The following TTLL11 variants were observed in gnomAD, a reference collection of about 807,000 sequenced individuals.
TTLL11 encodes tubulin tyrosine ligase like 11.
Under a neutral mutation model 51.7 loss-of-function variants are expected in TTLL11, and 42 were observed. The ratio of observed to expected loss-of-function variants is 0.81; its 90% CI spans 0.64 to 1.05. The LOEUF (loss-of-function observed/expected upper bound fraction) is 1.05. Ranked by LOEUF, TTLL11 falls within the 50% of genes least tolerant of loss-of-function variation. The pLI is 0.00. For synonymous variants in TTLL11, 381 were observed against 383.5 expected (o/e 0.99, Z 0.08); for missense variants, 799 against 940.4 (o/e 0.85, Z 1.97).
At chr9:121,872,963 G>A (rs1838410582) in intron 6 of TTLL11, among the ~76,000 whole-genome samples, 1 of 152,120 alleles carries the variant, frequency 6.6e-6, no homozygotes, top group Admixed American at 6.5e-5. Context: ...CTTTTCAGTT[G>A]AAATGAAATG....
intron 6 of TTLL11, among the ~76,000 whole-genome samples, chr9:121,883,425 A>G (rs1454071925): frequency 1.3e-5 from 2 of 152,206 alleles, no homozygotes; most frequent in Admixed American, 6.5e-5. Flanking sequence ...CTAACTCTGC[A>G]GCTAGGGATG....
At chr9:121,950,912 A>G (rs1211853561) in intron 6 of TTLL11, among the ~76,000 whole-genome samples, 1 of 152,134 alleles carries the variant, frequency 6.6e-6, no homozygotes, top group African/African-American at 2.4e-5. Context: ...TTAAACCCGA[A>G]AGCGCTTGGC....
At position 121,863,131 on chromosome 9, in the gene TTLL11, C is replaced by T. The variant is rs150481455; in HGVS notation, c.1734-2688G>A. ...GGGCTCCTGCTCCGTATTTCAATCA[C>T]GAGTCGCGGTGGCAGACTTCAAAGC... On this transcript the variant is annotated intron_variant, in intron 7 of 8. Coordinates refer to ENST00000321582, the MANE Select transcript of TTLL11 (RefSeq NM_001139442.2). Among the ~76,000 whole-genome samples the T allele has an allele frequency of 3.2e-4, 49 of 152,266 alleles. No homozygotes were observed. In the East Asian group the frequency reaches 7.9e-3, roughly 25 times the overall value.
At chr9:122,061,707 G>T (rs535859757) in intron 1 of TTLL11, among the ~76,000 whole-genome samples, 3 of 151,748 alleles carry the variant, frequency 2.0e-5, no homozygotes, top group Non-Finnish European at 4.4e-5. Context: ...GTGCAATCTT[G>T]GCTCACTGCA....
At chr9:122,079,664 G>A (rs890969178) in intron 1 of TTLL11, among the ~76,000 whole-genome samples, 3 of 151,036 alleles carry the variant, frequency 2.0e-5, no homozygotes, top group East Asian at 2.0e-4. Flanking sequence ...AGCTGAGATC[G>A]CACCACTGCA....
intron 6 of TTLL11, among the ~76,000 whole-genome samples, chr9:121,906,233 T>A (rs1839941057): frequency 6.6e-6 from 1 of 152,140 alleles, no homozygotes; most frequent in South Asian, 2.1e-4. Context: ...TGAATCTGAG[T>A]CAGCAGCCTA....
intron 8 of TTLL11, among the ~76,000 whole-genome samples, chr9:121,829,302 C>A (rs906677870): frequency 2.6e-5 from 4 of 151,664 alleles, no homozygotes; most frequent in African/African-American, 9.7e-5. Flanking sequence ...TCATAGAGTA[C>A]CCAAATGGAC....
chr9:122,003,106 A>T (rs1391805090), intron 3 of TTLL11, among the ~76,000 whole-genome samples: 1 of 152,186 alleles, frequency 6.6e-6, no homozygotes, highest in Admixed American at 6.5e-5. Context: ...CAGGATGTCA[A>T]GATAGAATAC....
At chr9:122,007,923 G>A (rs551224362) in intron 3 of TTLL11, among the ~76,000 whole-genome samples, 1 of 152,162 alleles carries the variant, frequency 6.6e-6, no homozygotes, top group Non-Finnish European at 1.5e-5. Flanking sequence ...CACCACCTTA[G>A]CCAAATGATT....
At chr9:121,850,402 C>G (rs1463297713) in intron 8 of TTLL11, among the ~76,000 whole-genome samples, 1 of 152,026 alleles carries the variant, frequency 6.6e-6, no homozygotes, top group African/African-American at 2.4e-5. Context: ...AGGCCTAAGG[C>G]CTAAGTAGTT....
intron 3 of TTLL11, among the ~76,000 whole-genome samples, chr9:122,019,585 G>C (rs925262018): frequency 3.6e-4 from 55 of 152,260 alleles, no homozygotes; most frequent in African/African-American, 1.3e-3. Flanking sequence ...GAGTAGGTGG[G>C]ACTACAGACA....
intron 6 of TTLL11, among the ~76,000 whole-genome samples, chr9:121,922,281 T>C (rs762473669): frequency 2.0e-5 from 3 of 152,236 alleles, no homozygotes; most frequent in Non-Finnish European, 2.9e-5. Context: ...TATAAGTATG[T>C]TGTTGTCCCA....
chr9:121,863,654 C>T (rs1289308586), intron 7 of TTLL11, among the ~76,000 whole-genome samples: 1 of 152,208 alleles, frequency 6.6e-6, no homozygotes. Flanking sequence ...CTGCGGTAGG[C>T]AGGAAATGCA....
intron 1 of TTLL11, among the ~76,000 whole-genome samples, chr9:122,065,333 G>T (rs1845552615): frequency 6.6e-6 from 1 of 152,188 alleles, no homozygotes; most frequent in Non-Finnish European, 1.5e-5. Context: ...AAAAACCTCT[G>T]GAGGTCAATC....
intron 7 of TTLL11, among the ~76,000 whole-genome samples, chr9:121,868,437 C>T (rs1838246021): frequency 6.6e-6 from 1 of 152,192 alleles, no homozygotes; most frequent in Non-Finnish European, 1.5e-5. Context: ...GTGGAAGTCA[C>T]TAAATGCAGC....
chr9:121,903,471 CTG>C (rs892563773), intron 6 of TTLL11, among the ~76,000 whole-genome samples: 13 of 152,188 alleles, frequency 8.5e-5, no homozygotes, highest in Non-Finnish European at 1.8e-4. Context: ...AAACTCAAAA[CTG>C]GGTTCACATC....
chr9:122,009,674 GTA>G (rs34586061), intron 3 of TTLL11, among the ~76,000 whole-genome samples: 45 of 148,724 alleles, frequency 3.0e-4, no homozygotes, highest in South Asian at 6.4e-4. Flanking sequence ...AATGAATGTT[GTA>G]TATATATATA....
At chr9:122,067,639 A>G (rs535854669) in intron 1 of TTLL11, among the ~76,000 whole-genome samples, 1 of 152,250 alleles carries the variant, frequency 6.6e-6, no homozygotes, top group East Asian at 1.9e-4. Context: ...GGTAGCTGGG[A>G]CTACAGGCGC....
intron 6 of TTLL11, among the ~76,000 whole-genome samples, chr9:121,893,350 ATGTGTG>A (rs57931102): frequency 6.7e-6 from 1 of 149,886 alleles, no homozygotes; most frequent in East Asian, 2.0e-4. Flanking sequence ...ATGCATGCAT[ATGTGTG>A]TGTGTGTGTG....
Sources: gnomAD v4.1 joint callset for allele counts (sites outside exome capture counted in the v4.1 genomes callset) on GRCh38, gnomAD v4.1.1 for gene constraint, MANE v1.5 for transcripts, NCBI Gene and HGNC (gene_info 2026-07-23, HGNC 2026-07-21) for gene names.